HMGB1: variants seen among roughly 807,000 people sequenced by gnomAD.
HMGB1 encodes the protein high mobility group protein B1.
For missense variants in HMGB1, 79 were observed against 253.5 expected (o/e 0.31, Z 4.67); for synonymous variants, 81 against 84.0 (o/e 0.96, Z 0.19).
chr13:30,587,630 T>A (rs977781640), intron 1 of HMGB1, among the ~76,000 whole-genome samples: 7 of 152,238 alleles, frequency 4.6e-5, no homozygotes, highest in Admixed American at 6.5e-5. Context: ...TACAGGTATG[T>A]CTTTTATATC....
intron 1 of HMGB1, among the ~76,000 whole-genome samples, chr13:30,476,865 C>CA (rs35075993): frequency 0.66 from 89,888 of 135,332 alleles, 28,863 homozygotes; most frequent in South Asian, 0.75. Context: ...GATTCTGTCT[C>CA]AAAAAAAAAA....
chr13:30,489,350 A>C (rs1887433358), intron 1 of HMGB1, among the ~76,000 whole-genome samples: 1 of 152,224 alleles, frequency 6.6e-6, no homozygotes, highest in African/African-American at 2.4e-5. Context: ...AACAAACAAA[A>C]AAACTCTTAT....
intron 1 of HMGB1, among the ~76,000 whole-genome samples, chr13:30,586,967 A>G (rs1871180165): frequency 1.3e-5 from 2 of 152,162 alleles, no homozygotes; most frequent in Admixed American, 1.3e-4. Flanking sequence ...ATTTGTTGCT[A>G]TAAATTTATG....
At chr13:30,556,849 T>C (rs7981042) in intron 1 of HMGB1, among the ~76,000 whole-genome samples, 118,201 of 152,132 alleles carry the variant, frequency 0.78, 47,836 homozygotes, top group Middle Eastern at 0.93. Flanking sequence ...AGAATGACTA[T>C]AGTTAATAAT....
At chr13:30,568,288 T>C (rs1566027765) in intron 1 of HMGB1, among the ~76,000 whole-genome samples, 3 of 152,144 alleles carry the variant, frequency 2.0e-5, no homozygotes, top group Non-Finnish European at 2.9e-5. Flanking sequence ...GGGAGAATCG[T>C]TGGAGCCCAG....
chr13:30,504,145 T>G (rs1887799776), intron 1 of HMGB1, among the ~76,000 whole-genome samples: 1 of 151,976 alleles, frequency 6.6e-6, no homozygotes, highest in African/African-American at 2.4e-5. Context: ...TTGAAGCTAA[T>G]GAGGAGCCCT....
chr13:30,573,950 G>A (rs910234773), intron 1 of HMGB1, among the ~76,000 whole-genome samples: 3 of 152,174 alleles, frequency 2.0e-5, no homozygotes, highest in South Asian at 2.1e-4. Flanking sequence ...CACCGCACCC[G>A]GCCTAATCTA....
intron 1 of HMGB1, among the ~76,000 whole-genome samples, chr13:30,568,535 T>C (rs1435062063): frequency 2.6e-5 from 4 of 152,072 alleles, no homozygotes; most frequent in African/African-American, 9.7e-5. Flanking sequence ...AAGGTCTTTG[T>C]AAATGTAATA....
chr13:30,607,342 G>A (rs865843672), intron 1 of HMGB1, among the ~76,000 whole-genome samples: 3 of 152,062 alleles, frequency 2.0e-5, no homozygotes, highest in Admixed American at 6.5e-5. Flanking sequence ...AGCCTGGTGC[G>A]AAAGGACTGG....
intron 1 of HMGB1, among the ~76,000 whole-genome samples, chr13:30,510,551 T>C (rs1887969766): frequency 6.6e-6 from 1 of 152,100 alleles, no homozygotes; most frequent in Non-Finnish European, 1.5e-5. Flanking sequence ...TTTTTTTCCA[T>C]CCTTCTGACC....
intron 1 of HMGB1, among the ~76,000 whole-genome samples, chr13:30,471,514 ATT>A (rs933222421): frequency 1.4e-5 from 2 of 140,466 alleles, no homozygotes. Context: ...CACCTGGCTA[ATT>A]TTTTTTTTTT....
At chr13:30,500,423 G>A (rs1277188585) in intron 1 of HMGB1, among the ~76,000 whole-genome samples, 1 of 152,118 alleles carries the variant, frequency 6.6e-6, no homozygotes, top group African/African-American at 2.4e-5. Context: ...AGGCTGGAGT[G>A]CAGTGGTGCA....
At chr13:30,485,026 T>C (rs1593269742) in intron 1 of HMGB1, among the ~76,000 whole-genome samples, 1 of 99,840 alleles carries the variant, frequency 1.0e-5, no homozygotes, top group Admixed American at 1.2e-4. Flanking sequence ...ATTTCTTTTT[T>C]TCTTTTTCTT....
chr13:30,538,584 CTTTTT>C (rs1868637170), intron 1 of HMGB1, among the ~76,000 whole-genome samples: 2 of 106,830 alleles, frequency 1.9e-5, no homozygotes, highest in Admixed American at 9.3e-5. Context: ...TTCTTTCTTT[CTTTTT>C]CTTTCTTCTT....
chr13:30,554,535 G>A (rs2137516925), intron 1 of HMGB1: 1 of 839,266 alleles, frequency 1.2e-6, no homozygotes, highest in Non-Finnish European at 2.1e-6. Flanking sequence ...CAGAAACGGT[G>A]GAAAGAATTT....
chr13:30,578,189 C>A (rs1391560559), intron 1 of HMGB1, among the ~76,000 whole-genome samples: 1 of 151,714 alleles, frequency 6.6e-6, no homozygotes, highest in Non-Finnish European at 1.5e-5. Flanking sequence ...TGGAAGTTTC[C>A]CTCTCAGGAA....
At chr13:30,464,414 C>G in intron 1 of HMGB1, 1 of 985,440 alleles carries the variant, frequency 1.0e-6, no homozygotes, top group South Asian at 4.7e-5. Context: ...CCCCCTCCCC[C>G]AACTCGGGAA....
intron 1 of HMGB1, among the ~76,000 whole-genome samples, chr13:30,534,339 G>A (rs1033684516): frequency 6.6e-6 from 1 of 152,164 alleles, no homozygotes; most frequent in African/African-American, 2.4e-5. Context: ...GCCTCCCATG[G>A]CTCCCTTCTT....
chr13:30,507,057 A>G (rs1414110264), intron 1 of HMGB1, among the ~76,000 whole-genome samples: 1 of 152,192 alleles, frequency 6.6e-6, no homozygotes, highest in Non-Finnish European at 1.5e-5. Flanking sequence ...ATTCAGGGCA[A>G]AATTCCAAAT....
Sources: allele counts gnomAD v4.1 joint callset (sites outside exome capture counted in the v4.1 genomes callset), GRCh38; gene constraint gnomAD v4.1.1; transcripts MANE v1.5; gene names NCBI Gene and HGNC (gene_info 2026-07-23, HGNC 2026-07-21).